DNAH7: variants seen among roughly 807,000 people sequenced by gnomAD.
DNAH7 encodes the protein dynein axonemal heavy chain 7.
Under a neutral mutation model 444.6 loss-of-function variants are expected in DNAH7, and 397 were observed. The observed-to-expected ratio is 0.89, with a 90% CI of 0.82 to 0.97. DNAH7 has a LOEUF of 0.97. DNAH7 is among the 50% of genes least tolerant of loss of function. DNAH7 has a pLI of 0.00. For synonymous variants in DNAH7, 1,636 were observed against 1,624.4 expected, an observed-to-expected ratio of 1.01 and a Z score of -0.17; for missense variants, 4,902 against 4,800.8, an observed-to-expected ratio of 1.02 and a Z score of -0.62.
chr2:195,873,807 G>T, intron 38 of DNAH7, 113 bp from the exon 39 acceptor site: 1 of 699,226 alleles, frequency 1.4e-6, no homozygotes, highest in Non-Finnish European at 2.1e-6. Context: ...CACGGCACAT[G>T]AAGTTAAGAG....
chr2:195,912,227 G>A (rs1240573037), intron 24 of DNAH7, among the ~76,000 whole-genome samples: 1 of 152,132 alleles, frequency 6.6e-6, no homozygotes, highest in Non-Finnish European at 1.5e-5. Context: ...CCTCTCCCAA[G>A]CTAACAGAGG....
chr2:195,879,652 CAAAAT>C (rs1399251728), intron 36 of DNAH7, among the ~76,000 whole-genome samples: 2 of 151,998 alleles, frequency 1.3e-5, no homozygotes, highest in East Asian at 3.8e-4. Context: ...ATTTAACACT[CAAAAT>C]TAAGTACATA....
chr2:195,820,914 CTTGTTT>C (rs1697438493), intron 49 of DNAH7, among the ~76,000 whole-genome samples: 1 of 152,138 alleles, frequency 6.6e-6, no homozygotes, highest in Admixed American at 6.5e-5. Context: ...AAGCGTTGTT[CTTGTTT>C]TTATGTTTTA....
chr2:195,937,561 T>G (rs1689138352), intron 19 of DNAH7, among the ~76,000 whole-genome samples: 1 of 152,174 alleles, frequency 6.6e-6, no homozygotes, highest in Admixed American at 6.5e-5. Context: ...AGAACTCATA[T>G]TTTTTAAAAA....
intron 63 of DNAH7, among the ~76,000 whole-genome samples, chr2:195,741,746 C>G (rs1207522415): frequency 6.6e-6 from 1 of 152,082 alleles, no homozygotes; most frequent in Non-Finnish European, 1.5e-5. Flanking sequence ...GGGGAAATGC[C>G]TTTGTAGAGT....
At chr2:195,939,561 T>G (rs996378874) in intron 19 of DNAH7, among the ~76,000 whole-genome samples, 5 of 152,088 alleles carry the variant, frequency 3.3e-5, no homozygotes, top group Non-Finnish European at 7.4e-5. Context: ...CTACTAGAAA[T>G]TTGAATCTTA....
At chr2:195,829,866 T>C (rs1478688818) in intron 48 of DNAH7, among the ~76,000 whole-genome samples, 4 of 152,068 alleles carry the variant, frequency 2.6e-5, no homozygotes, top group African/African-American at 9.7e-5. Flanking sequence ...AGGAAAGATA[T>C]TTGTAGTGTC....
intron 48 of DNAH7, among the ~76,000 whole-genome samples, chr2:195,833,927 G>A (rs892498981): frequency 2.0e-5 from 3 of 152,040 alleles, no homozygotes; most frequent in Admixed American, 1.3e-4. Flanking sequence ...GCTAATGTCT[G>A]TATTTTTAGT....
At chr2:195,832,945 C>T (rs1286342720) in intron 48 of DNAH7, among the ~76,000 whole-genome samples, 1 of 152,126 alleles carries the variant, frequency 6.6e-6, no homozygotes, top group Non-Finnish European at 1.5e-5. Context: ...TTATTTCTTC[C>T]TCAAACTATA....
chr2:196,013,533 G>T (rs770043062), intron 9 of DNAH7, among the ~76,000 whole-genome samples: 2 of 152,090 alleles, frequency 1.3e-5, no homozygotes, highest in African/African-American at 2.4e-5. Context: ...GCATTAACTT[G>T]TTCTTTAAAA....
Position 195,906,587 on chromosome 2 carries a change from C to A in DNAH7, c.4335+72G>T. 4 of 1,484,844 alleles carry A rather than the reference C, an allele frequency of 2.7e-6. No individual in the cohort carries two copies. The South Asian group carries it at 5.3e-5, about 20-fold the overall frequency. 92.0% of individuals were successfully genotyped at this position (1,484,844 alleles called of 1,614,324 possible). On this transcript the variant is annotated intron_variant, in intron 27 of 64. Transcript: ENST00000312428. ...AGGATTATAGGCGTTAGCCACCACG[C>A]CCAGCTCTTTTCATATATTAACTTT...
At chr2:196,013,978 T>A (rs1244501361) in intron 9 of DNAH7, among the ~76,000 whole-genome samples, 1 of 152,200 alleles carries the variant, frequency 6.6e-6, no homozygotes. Context: ...CAGACCAATT[T>A]TCCTTAGTTT....
chr2:195,843,989 G>A (rs914558396), intron 47 of DNAH7, among the ~76,000 whole-genome samples: 39 of 151,892 alleles, frequency 2.6e-4, no homozygotes, highest in African/African-American at 8.2e-4. Context: ...CCAGCTACTC[G>A]GGAGGCTGAG....
At chr2:195,936,548 T>C (rs1689064072) in intron 20 of DNAH7, 51 bp downstream of exon 20, 2 of 1,301,944 alleles carry the variant, frequency 1.5e-6, no homozygotes, top group Non-Finnish European at 1.1e-6. Flanking sequence ...TTCTAAAAAT[T>C]AAGTTTAAGC....
At chr2:195,995,464 T>G (rs931852759) in intron 12 of DNAH7, 1 of 367,220 alleles carries the variant, frequency 2.7e-6, no homozygotes, top group Non-Finnish European at 5.4e-6. Flanking sequence ...GCAGCTCTTC[T>G]TTTGCCCTCA....
At chr2:195,977,773 G>C (rs1281238820) in intron 15 of DNAH7, among the ~76,000 whole-genome samples, 4 of 152,036 alleles carry the variant, frequency 2.6e-5, no homozygotes, top group African/African-American at 9.7e-5. Flanking sequence ...ACCCCCAATG[G>C]AGCTCCAACA....
At position 195,876,630 on chromosome 2, in the gene DNAH7, T is replaced by C; in HGVS notation, c.6031A>G (p.Thr2011Ala). The C allele has an allele frequency of 1.9e-6, 3 of 1,613,020 alleles. No homozygotes were observed. The highest frequency in any genetic ancestry group is 2.5e-6 in the Non-Finnish European group (3 of 1,179,050). ...PLLINFSAQTTAAQTQNIVMS... is the reference protein window; with the variant it reads ...PLLINFSAQTAAAQTQNIVMS... ...ACAATATTCTGAGTTTGAGCTGCTGTAGTTTGTGCTGAGAAGTTAATTAGC... is the reference window on the plus strand; with the variant it reads ...ACAATATTCTGAGTTTGAGCTGCTGCAGTTTGTGCTGAGAAGTTAATTAGC... The change falls in exon 37 of 65, where the codon ACA (threonine) becomes GCA (alanine). Residue 2011 changes from threonine (T) to alanine (A), a missense_variant. Coordinates refer to ENST00000312428, the MANE Select transcript of DNAH7 (RefSeq NM_018897.3).
At chr2:195,760,158 G>A (rs2105919327) in intron 61 of DNAH7, among the ~76,000 whole-genome samples, 1 of 152,296 alleles carries the variant, frequency 6.6e-6, no homozygotes, top group Admixed American at 6.5e-5. Flanking sequence ...CAGCTACAGG[G>A]AGAGGCTCCT....
intron 35 of DNAH7, among the ~76,000 whole-genome samples, chr2:195,883,612 A>G (rs1241690823): frequency 2.0e-5 from 3 of 152,186 alleles, no homozygotes; most frequent in Non-Finnish European, 4.4e-5. Flanking sequence ...GTGTTGAAAA[A>G]TGAAATGGAA....
Sources: allele counts gnomAD v4.1 joint callset (sites outside exome capture counted in the v4.1 genomes callset), GRCh38; gene constraint gnomAD v4.1.1; transcripts MANE v1.5; gene names NCBI Gene and HGNC (gene_info 2026-07-23, HGNC 2026-07-21).